Variants in AGTR1 observed in about 807,000 individuals in gnomAD.
AGTR1 encodes the protein angiotensin II receptor type 1, also known as type-1 angiotensin II receptor.
In AGTR1, 16 loss-of-function variants were observed where a neutral mutation model predicts 19.4. The observed-to-expected ratio is 0.82, with a 90% CI of 0.56 to 1.25. The LOEUF is 1.25. Among genes scored for constraint, AGTR1 ranks in the 50% most tolerant of loss-of-function variants. The probability of loss-of-function intolerance (pLI) is 0.00; values close to 1 mark genes in which losing one functional copy is unlikely to be tolerated. For synonymous variants in AGTR1, 153 were observed against 154.9 expected, an observed-to-expected ratio of 0.99 and a Z score of 0.09; for missense variants, 373 against 431.9, an observed-to-expected ratio of 0.86 and a Z score of 1.21.
chr3:148,714,774 G>C (rs1559925090), intron 2 of AGTR1, among the ~76,000 whole-genome samples: 1 of 151,970 alleles, frequency 6.6e-6, no homozygotes, highest in East Asian at 1.9e-4. Flanking sequence ...GTTCCTTCTG[G>C]ATACTCAGCT....
In AGTR1 at chr3:148,741,141, A is replaced by G; in HGVS notation, c.106A>G (p.Ser36Gly). 6.2e-7 allele frequency: 1 copy of G among 1,614,180 alleles called. No homozygotes were observed. The highest frequency in any genetic ancestry group is 8.5e-7 in the Non-Finnish European group (1 of 1,180,032). Reference protein sequence around the residue: ...YIFVMIPTLYSIIFVVGIFGN... With the variant: ...YIFVMIPTLYGIIFVVGIFGN... ...ATTTGTCATGATTCCTACTTTATAC[A>G]GTATCATCTTTGTGGTGGGAATATT... Residue 36 changes from serine to glycine, a missense_variant, in exon 3 of 3, where the codon AGT becomes GGT. Physicochemically the swap from Ser to Gly is moderately conservative, Grantham distance 56. Transcript: ENST00000349243.
intron 2 of AGTR1, chr3:148,730,366 TG>T: frequency 2.6e-6 from 1 of 389,530 alleles, no homozygotes. Context: ...TGAGAAGGTA[TG>T]AAGGTGGGTA....
chr3:148,738,700 A>G (rs561181619), intron 2 of AGTR1, among the ~76,000 whole-genome samples: 2 of 152,316 alleles, frequency 1.3e-5, no homozygotes, highest in Admixed American at 6.5e-5. Context: ...ACAAGTTTCT[A>G]AAAGCACCAA....
At position 148,717,105 on chromosome 3, in the gene AGTR1, G is replaced by C. The variant is rs189672448; in HGVS notation, c.-48+9078G>C. On this transcript the variant is annotated intron_variant, in intron 2 of 2. Transcript: ENST00000349243. ...TGGTGCCCAGTACTGTTTCACACAC[G>C]TGGTTTTTCTTATCTATTGCTCACA... 4.7e-5 allele frequency among the ~76,000 whole-genome samples: 7 copies of C among 149,248 alleles called. No individual in the cohort carries two copies. The South Asian group carries it at 1.3e-3, about 27-fold the overall frequency.
intron 1 of AGTR1, among the ~76,000 whole-genome samples, chr3:148,701,583 G>A (rs1461282680): frequency 6.6e-6 from 1 of 152,192 alleles, no homozygotes; most frequent in Non-Finnish European, 1.5e-5. Flanking sequence ...ACTGTCTTAA[G>A]TAGAAACAAA....
intron 2 of AGTR1, among the ~76,000 whole-genome samples, chr3:148,725,467 G>T (rs1184077787): frequency 2.6e-5 from 4 of 152,080 alleles, no homozygotes; most frequent in Non-Finnish European, 5.9e-5. Context: ...CATCTGTAAA[G>T]TAAAATTTTA....
intron 2 of AGTR1, chr3:148,740,017 C>A: frequency 1.7e-6 from 2 of 1,202,532 alleles, no homozygotes; most frequent in East Asian, 6.3e-5. Flanking sequence ...GGACTGTTAT[C>A]CAGGGCAGAA....
chr3:148,719,410 TGG>T (rs761004455), intron 2 of AGTR1, among the ~76,000 whole-genome samples: 2 of 152,208 alleles, frequency 1.3e-5, no homozygotes, highest in Non-Finnish European at 2.9e-5. Flanking sequence ...GTAAGAAGTC[TGG>T]ATCTGTATTA....
chr3:148,739,820 T>G (rs1714773064), intron 2 of AGTR1: 1 of 1,231,624 alleles, frequency 8.1e-7, no homozygotes, highest in Non-Finnish European at 1.0e-6. Context: ...TGCAAGAGAA[T>G]GCTCAGCCAT....
chr3:148,724,614 A>G (rs1055927520), intron 2 of AGTR1, among the ~76,000 whole-genome samples: 1 of 152,204 alleles, frequency 6.6e-6, no homozygotes, highest in African/African-American at 2.4e-5. Flanking sequence ...ATTTCTTTCT[A>G]TAGCAGACAT....
intron 1 of AGTR1, among the ~76,000 whole-genome samples, chr3:148,700,212 G>A (rs1312320149): frequency 1.3e-5 from 2 of 151,852 alleles, no homozygotes; most frequent in Non-Finnish European, 2.9e-5. Context: ...TGCTACTTAC[G>A]ACTGCTGTTA....
chr3:148,727,461 G>A (rs1207714040), intron 2 of AGTR1, among the ~76,000 whole-genome samples: 1 of 152,124 alleles, frequency 6.6e-6, no homozygotes, highest in Admixed American at 6.5e-5. Context: ...AAGAGGGCAG[G>A]GTTTGACTTC....
At chr3:148,721,820 T>C (rs1436645464) in intron 2 of AGTR1, among the ~76,000 whole-genome samples, 4 of 152,090 alleles carry the variant, frequency 2.6e-5, no homozygotes, top group African/African-American at 9.7e-5. Flanking sequence ...CCCAAACGTA[T>C]TAGAGAGAAC....
intron 2 of AGTR1, chr3:148,739,886 C>A: frequency 4.1e-6 from 5 of 1,231,992 alleles, no homozygotes; most frequent in Non-Finnish European, 4.0e-6. Context: ...CCCAGCACCA[C>A]TGCCCACCTA....
intron 2 of AGTR1, among the ~76,000 whole-genome samples, chr3:148,718,736 T>C (rs1713436346): frequency 6.6e-6 from 1 of 152,222 alleles, no homozygotes; most frequent in African/African-American, 2.4e-5. Context: ...GTAGTAAAAT[T>C]GGTGTTTTAA....
At chr3:148,738,074 A>G (rs1714668906) in intron 2 of AGTR1, among the ~76,000 whole-genome samples, 1 of 152,154 alleles carries the variant, frequency 6.6e-6, no homozygotes, top group Non-Finnish European at 1.5e-5. Context: ...ATAGTTTGAG[A>G]CTAGTTAATA....
At chr3:148,726,075 C>T (rs1320683281) in intron 2 of AGTR1, among the ~76,000 whole-genome samples, 2 of 152,262 alleles carry the variant, frequency 1.3e-5, no homozygotes, top group East Asian at 3.9e-4. Flanking sequence ...GTAGAGGCTT[C>T]ATAATATTAT....
At chr3:148,729,859 T>G (rs1173620422) in intron 2 of AGTR1, among the ~76,000 whole-genome samples, 1 of 152,204 alleles carries the variant, frequency 6.6e-6, no homozygotes. Flanking sequence ...CTCTCAGCAG[T>G]GCCTTTCAGC....
At chr3:148,731,386 A>G (rs1305146637) in intron 2 of AGTR1, 10 of 152,212 alleles carry the variant, frequency 6.6e-5, no homozygotes, top group Admixed American at 6.5e-4. Flanking sequence ...CTACTATTTT[A>G]CTTTTCTTTC....
Sources: gnomAD v4.1 joint callset for allele counts (sites outside exome capture counted in the v4.1 genomes callset) on GRCh38, gnomAD v4.1.1 for gene constraint, MANE v1.5 for transcripts, NCBI Gene and HGNC (gene_info 2026-07-23, HGNC 2026-07-21) for gene names.